PCDHA6: variants seen among roughly 807,000 people sequenced by gnomAD.
PCDHA6 encodes protocadherin alpha-6.
Under a neutral mutation model 60.3 loss-of-function variants are expected in PCDHA6, and 55 were observed. The ratio of observed to expected loss-of-function variants is 0.91; its 90% CI spans 0.73 to 1.14. The LOEUF (loss-of-function observed/expected upper bound fraction) is 1.14, where lower values mean the gene tolerates loss of function less well. PCDHA6 is among the 50% of genes most tolerant of loss of function. PCDHA6 has a pLI of 0.00. For synonymous variants in PCDHA6, 652 were observed against 557.9 expected, an observed-to-expected ratio of 1.17 and a Z score of -2.38; for missense variants, 1,327 against 1,256.5, an observed-to-expected ratio of 1.06 and a Z score of -0.85.
intron 1 of PCDHA6, chr5:140,926,753 G>C (rs1431209513): frequency 3.5e-5 from 44 of 1,268,526 alleles, no homozygotes; most frequent in Non-Finnish European, 4.4e-5. Context: ...GTCGGCGGTC[G>C]CTGAGTATCC....
intron 1 of PCDHA6, among the ~76,000 whole-genome samples, chr5:140,961,980 T>C (rs909552255): frequency 6.6e-6 from 1 of 151,768 alleles, no homozygotes; most frequent in Non-Finnish European, 1.5e-5. Context: ...GCCTCCTGGG[T>C]TCACGCCATT....
At chr5:140,893,416 G>A (rs1351047268) in intron 1 of PCDHA6, among the ~76,000 whole-genome samples, 1 of 152,136 alleles carries the variant, frequency 6.6e-6, no homozygotes, top group Non-Finnish European at 1.5e-5. Context: ...ACTTAGGGAG[G>A]CAGAGGCAGG....
At chr5:140,891,317 C>A (rs2063039508) in intron 1 of PCDHA6, among the ~76,000 whole-genome samples, 1 of 151,808 alleles carries the variant, frequency 6.6e-6, no homozygotes, top group South Asian at 2.1e-4. Context: ...TGAGTAAGTT[C>A]TTTGGTGGTG....
chr5:140,865,091 A>G (rs1010954942), intron 1 of PCDHA6: 3 of 152,218 alleles, frequency 2.0e-5, no homozygotes, highest in Non-Finnish European at 4.4e-5. Context: ...GATATTAATA[A>G]AGGCACTTCC....
chr5:140,849,974 G>C lies in PCDHA6; in HGVS notation c.2394+19489G>C, dbSNP rs190398483. The C allele has an allele frequency of 8.8e-6, 14 of 1,597,556 alleles. 2 individuals are homozygous for C. In the South Asian group the frequency reaches 1.4e-4, roughly 16 times the overall value. ...AGGAGAACGCCCTGGTGTCCTACTC[G>C]CTGGTGGAGCGGCGGTTGGGCGAGC... is the stretch of plus-strand genomic sequence containing the variant. On this transcript the variant is annotated intron_variant, in intron 1 of 3. Transcript: ENST00000529310.
intron 1 of PCDHA6, chr5:140,966,442 T>C (rs1474683794): frequency 4.7e-6 from 2 of 424,056 alleles, no homozygotes; most frequent in East Asian, 3.6e-5. Flanking sequence ...TACCGCTCCC[T>C]TTCCCCCTCC....
chr5:140,835,404 G>A, intron 1 of PCDHA6: 1 of 1,614,010 alleles, frequency 6.2e-7, no homozygotes, highest in Non-Finnish European at 8.5e-7. Flanking sequence ...TGTGGAAGTT[G>A]TGGATGTAAA....
Position 140,829,854 on chromosome 5 carries a change from G to A in PCDHA6, c.1763G>A (p.Gly588Asp), listed in dbSNP as rs2150176242. The change falls in exon 1 of 4, where the codon GGC becomes GAC. Residue 588 changes from glycine to aspartate, a missense_variant. Transcript: ENST00000529310. ...CTGGTGCCGCGGTCACTGGGTGCAG[G>A]CCAAGTGGTGGCGAAGGTGCGCGCA... The part of the protein sequence containing the change: ...SELVPRSLGA[G>D]QVVAKVRAVD... The A allele has an allele frequency of 5.0e-6, 8 of 1,613,954 alleles. No homozygotes were observed. Among genetic ancestry groups the A allele is most frequent in the Admixed American group, 3.3e-5 (2 of 60,012 alleles).
At position 140,928,140 on chromosome 5, in the gene PCDHA6, G is replaced by A. The variant is rs200493520; in HGVS notation, c.2395-50809G>A. On this transcript the variant is annotated intron_variant, in intron 1 of 3. Coordinates refer to ENST00000529310, the MANE Select transcript of PCDHA6 (RefSeq NM_018909.4). The stretch of plus-strand genomic sequence containing the variant: ...TCAGTGAATACCAAGTCCTGATCAC[G>A]GCCTCAGATAGTGGCTCACCCCCAC... The A allele has an allele frequency of 2.7e-5, 43 of 1,614,036 alleles. 1 individual carries two copies. The South Asian group carries it at 4.2e-4, about 16-fold the overall frequency.
chr5:140,869,766 G>A (rs782388204), intron 1 of PCDHA6: 2 of 1,613,210 alleles, frequency 1.2e-6, no homozygotes, highest in Non-Finnish European at 1.7e-6. Flanking sequence ...GAAAACCAGA[G>A]CTTACTGGCA....
chr5:140,901,658 G>T (rs1554189962), intron 1 of PCDHA6, among the ~76,000 whole-genome samples: 1 of 151,936 alleles, frequency 6.6e-6, no homozygotes, highest in Admixed American at 6.6e-5. Flanking sequence ...TGTTCTTTTT[G>T]CTCAAGATAC....
intron 1 of PCDHA6, chr5:140,835,259 G>A (rs1773539388): frequency 1.9e-6 from 3 of 1,607,888 alleles, no homozygotes. Context: ...TAAAATCCAA[G>A]TTCCACATGG....
Position 141,010,227 on chromosome 5 carries a change from C to T in PCDHA6, c.*290C>T. 6.4e-7 allele frequency: 1 copy of T among 1,551,876 alleles called. No homozygotes were observed. The highest frequency in any genetic ancestry group is 8.7e-7 in the Non-Finnish European group (1 of 1,147,036). On this transcript the variant is annotated 3_prime_UTR_variant, in exon 4 of 4. Coordinates refer to ENST00000529310, the MANE Select transcript of PCDHA6 (RefSeq NM_018909.4). ...GCCGCAAAGGAGAGGCTTCCCAGCC[C>T]CGCCAGTGAGAGGTTGGACTCTCTG...
rs1554262437 is a variant in PCDHA6, at chr5:141,009,799, C to T, written c.2715C>T (p.Asn905=). 1 of 1,614,104 alleles carries T rather than the reference C, an allele frequency of 6.2e-7. No individual in the cohort carries two copies. Residue 905 remains asparagine (N), a synonymous_variant, in exon 4 of 4, where the codon AAC becomes AAT. Coordinates refer to ENST00000529310, the MANE Select transcript of PCDHA6 (RefSeq NM_018909.4). ...AIISIRQEPT[N]SQIDKSDFIT... is the part of the protein sequence containing the mutation. ...TCTCCATCCGGCAGGAGCCTACTAACAGCCAAATTGACAAAAGTGACTTCA... is the reference window on the plus strand; with the variant it reads ...TCTCCATCCGGCAGGAGCCTACTAATAGCCAAATTGACAAAAGTGACTTCA...
rs781883324 is a variant in PCDHA6 at position 140,927,514 on chromosome 5, G to A, written c.2395-51435G>A. 3.2e-5 allele frequency: 52 copies of A among 1,613,938 alleles called. No individual in the cohort carries two copies. The highest frequency in any genetic ancestry group is 4.2e-5 in the Non-Finnish European group (49 of 1,180,040). ...CCTGCTGGTGCTTACAGCTCGGGAC[G>A]GCGGGCTACCTGCCCGCTCAGGAGA... On this transcript the variant is annotated intron_variant, in intron 1 of 3. Coordinates refer to ENST00000529310, the MANE Select transcript of PCDHA6 (RefSeq NM_018909.4).
chr5:140,883,031 G>A, intron 1 of PCDHA6: 1 of 1,614,078 alleles, frequency 6.2e-7, no homozygotes, highest in Non-Finnish European at 8.5e-7. Flanking sequence ...GTTAGAGAAC[G>A]CCTTCAATGG....
intron 1 of PCDHA6, chr5:140,857,885 G>A: frequency 6.3e-7 from 1 of 1,597,988 alleles, no homozygotes; most frequent in Non-Finnish European, 8.6e-7. Context: ...ATTGCAGTCG[G>A]CGGCGGTTGG....
intron 1 of PCDHA6, chr5:140,870,439 G>T (rs374343977): frequency 6.2e-7 from 1 of 1,614,244 alleles, no homozygotes; most frequent in African/African-American, 1.3e-5. Context: ...GGAGGTGGCC[G>T]ACGTGAACGA....
chr5:140,973,556 C>A lies in PCDHA6; in HGVS notation c.2395-5393C>A, dbSNP rs993191449. Among the ~76,000 whole-genome samples the A allele has an allele frequency of 3.9e-5, 6 of 152,336 alleles. 1 individual carries two copies. In the South Asian group the frequency reaches 1.2e-3, roughly 32 times the overall value. ...ATACAATAATTTATTTCAATTACCT[C>A]TTTCCTCAATTTTTCTACAGACTGC... On this transcript the variant is annotated intron_variant, in intron 1 of 3. Coordinates refer to ENST00000529310, the MANE Select transcript of PCDHA6 (RefSeq NM_018909.4).
Sources: gnomAD v4.1 joint callset for allele counts (sites outside exome capture counted in the v4.1 genomes callset) on GRCh38, gnomAD v4.1.1 for gene constraint, MANE v1.5 for transcripts, NCBI Gene and HGNC (gene_info 2026-07-23, HGNC 2026-07-21) for gene names.